ZNF407: variants seen among roughly 807,000 people sequenced by gnomAD.
ZNF407 encodes the protein zinc finger protein 407.
Under a neutral mutation model 131.2 loss-of-function variants are expected in ZNF407, and 17 were observed. The ratio of observed to expected loss-of-function variants is 0.13; its 90% CI spans 0.09 to 0.19. ZNF407 has a LOEUF of 0.19. Ranked by LOEUF, ZNF407 falls within the 10% of genes least tolerant of loss-of-function variation. The probability of loss-of-function intolerance (pLI) is 1.00; values close to 1 mark genes in which losing one functional copy is unlikely to be tolerated. For missense variants in ZNF407, 2,681 were observed against 2,830.6 expected (o/e 0.95, Z 1.20); for synonymous variants, 1,156 against 1,062.0 (o/e 1.09, Z -1.72).
intron 3 of ZNF407, among the ~76,000 whole-genome samples, chr18:74,761,190 A>G (rs1294374690): frequency 6.8e-6 from 1 of 146,958 alleles, no homozygotes; most frequent in African/African-American, 2.7e-5. Flanking sequence ...TGGATTTTTG[A>G]ATTTTGATAG....
At chr18:74,792,872 G>A (rs1197743121) in intron 4 of ZNF407, among the ~76,000 whole-genome samples, 1 of 152,178 alleles carries the variant, frequency 6.6e-6, no homozygotes, top group African/African-American at 2.4e-5. Flanking sequence ...ACAAAGACAC[G>A]TCAATTGTGG....
rs1973666310 is a variant in ZNF407 at position 75,063,522 on chromosome 18, T to G, written c.5801T>G (p.Leu1934Arg). 2 of 1,580,064 alleles carry G rather than the reference T, an allele frequency of 1.3e-6. No individual in the cohort carries two copies. Among genetic ancestry groups the G allele is most frequent in the Non-Finnish European group, 8.6e-7 (1 of 1,164,542 alleles). The stretch of plus-strand genomic sequence containing the variant: ...CCCGGACCCATCCTCCCCGAGCAGC[T>G]GGCTGATGGAGCCACCCAGGTGGTC... The part of the protein sequence containing the change: ...VVPGPILPEQ[L>R]ADGATQVVVV... Residue 1934 changes from leucine to arginine, a missense_variant, in exon 9 of 9, where the codon CTG becomes CGG. Around this residue, in one of 6 missense-constraint regions of ZNF407, gnomAD observed 620 missense variants for 583.1 expected, o/e 1.06. Coordinates refer to ENST00000299687, the MANE Select transcript of ZNF407 (RefSeq NM_017757.3). This position sits in a 1 kb window ranked among gnomAD's most constrained non-coding sequence, Gnocchi z 6.6.
At chr18:74,662,530 C>G (rs1301667868) in intron 3 of ZNF407, among the ~76,000 whole-genome samples, 1 of 152,046 alleles carries the variant, frequency 6.6e-6, no homozygotes, top group Admixed American at 6.5e-5. Flanking sequence ...GTATATTTAC[C>G]CATGTTTTAA....
intron 3 of ZNF407, among the ~76,000 whole-genome samples, chr18:74,723,155 C>G (rs748577617): frequency 2.0e-5 from 3 of 152,078 alleles, no homozygotes; most frequent in Non-Finnish European, 4.4e-5. Context: ...TCTCATTGGA[C>G]TTTTACAAAT....
chr18:74,653,897 ATCATGAAC>A (rs1333652618), intron 3 of ZNF407, among the ~76,000 whole-genome samples: 2 of 151,880 alleles, frequency 1.3e-5, no homozygotes, highest in African/African-American at 4.8e-5. Context: ...CTTATGTGTT[ATCATGAAC>A]ATGCTAATAT....
chr18:74,811,422 G>A (rs1240285159), intron 4 of ZNF407, among the ~76,000 whole-genome samples: 3 of 152,060 alleles, frequency 2.0e-5, no homozygotes, highest in African/African-American at 7.3e-5. Flanking sequence ...TTACACTGTT[G>A]ATGGGACTGT....
chr18:74,734,483 A>G (rs1968364941), intron 3 of ZNF407, among the ~76,000 whole-genome samples: 2 of 152,226 alleles, frequency 1.3e-5, no homozygotes, highest in South Asian at 2.1e-4. Context: ...GAATATCTGT[A>G]GTATGATAGT....
intron 3 of ZNF407, among the ~76,000 whole-genome samples, chr18:74,736,236 A>T (rs552911178): frequency 6.6e-5 from 10 of 152,120 alleles, no homozygotes; most frequent in Non-Finnish European, 1.5e-4. Context: ...TTTGCACTCA[A>T]TTATATTGTG....
chr18:74,975,557 C>A (rs1267904537), intron 8 of ZNF407, among the ~76,000 whole-genome samples: 1 of 152,122 alleles, frequency 6.6e-6, no homozygotes, highest in Non-Finnish European at 1.5e-5. Context: ...TTGAAAGTAT[C>A]TTTTGTTTAT....
At chr18:74,602,787 T>C (rs751203887) in intron 1 of ZNF407, among the ~76,000 whole-genome samples, 2 of 151,336 alleles carry the variant, frequency 1.3e-5, no homozygotes, top group Non-Finnish European at 2.9e-5. Context: ...TCATTCAACA[T>C]TTTTTTTAGC....
chr18:75,063,719 G>A lies in ZNF407; in HGVS notation c.5998G>A (p.Gly2000Arg). The stretch of plus-strand genomic sequence containing the variant: ...ATTGCTCTGTGCGGTCACTGAATTA[G>A]GGGAGGTGGAGGGCAGGGCTGGGCT... ...DALLCAVTEL[G>R]EVEGRAGLEE... Residue 2000 changes from glycine to arginine, a missense_variant, in exon 9 of 9, where the codon GGG becomes AGG. Gly to Arg is a moderately radical substitution (Grantham distance 125). Around this residue, in one of 6 missense-constraint regions of ZNF407, gnomAD observed 620 missense variants for 583.1 expected, o/e 1.06. Coordinates refer to ENST00000299687, the MANE Select transcript of ZNF407 (RefSeq NM_017757.3). The surrounding 1 kb of genome is among the most constrained non-coding windows in gnomAD (Gnocchi z 6.6). The A allele has an allele frequency of 6.2e-7, 1 of 1,612,440 alleles. No individual in the cohort carries two copies. Among genetic ancestry groups the A allele is most frequent in the East Asian group, 2.2e-5 (1 of 44,842 alleles).
chr18:74,725,487 T>C (rs1341250970), intron 3 of ZNF407, among the ~76,000 whole-genome samples: 1 of 152,202 alleles, frequency 6.6e-6, no homozygotes, highest in Non-Finnish European at 1.5e-5. Context: ...AGTAGTTTCT[T>C]TAGTATATCA....
At chr18:74,900,712 A>C (rs1971512942) in intron 7 of ZNF407, among the ~76,000 whole-genome samples, 1 of 152,196 alleles carries the variant, frequency 6.6e-6, no homozygotes. Flanking sequence ...AAGAGCACCC[A>C]GTCATTTCTC....
At chr18:74,782,779 C>T (rs1341574411) in intron 4 of ZNF407, among the ~76,000 whole-genome samples, 6 of 152,074 alleles carry the variant, frequency 3.9e-5, no homozygotes, top group East Asian at 1.9e-4. Flanking sequence ...CCACCACCTC[C>T]GGCTAATTTT....
chr18:74,831,564 G>A (rs1400952056), intron 4 of ZNF407, among the ~76,000 whole-genome samples: 1 of 152,164 alleles, frequency 6.6e-6, no homozygotes, highest in Non-Finnish European at 1.5e-5. Context: ...TATCCTCAAG[G>A]TTAAGCTTTG....
At chr18:74,750,663 C>T (rs183386040) in intron 3 of ZNF407, among the ~76,000 whole-genome samples, 15 of 152,242 alleles carry the variant, frequency 9.9e-5, no homozygotes, top group Admixed American at 7.9e-4. Context: ...TTATGACTAA[C>T]GGTGCTGTGA....
intron 3 of ZNF407, among the ~76,000 whole-genome samples, chr18:74,693,434 A>G (rs551505092): frequency 6.6e-6 from 1 of 152,186 alleles, no homozygotes; most frequent in African/African-American, 2.4e-5. Flanking sequence ...AACTGTTTTT[A>G]TAGTGGGTGT....
intron 4 of ZNF407, among the ~76,000 whole-genome samples, chr18:74,786,807 T>G (rs1281291342): frequency 2.2e-5 from 3 of 135,812 alleles, no homozygotes; most frequent in Admixed American, 7.5e-5. Flanking sequence ...TTTTTTTTTT[T>G]TTTTTTTTTT....
chr18:74,614,805 A>G (rs1200485465), intron 1 of ZNF407, among the ~76,000 whole-genome samples: 1 of 152,192 alleles, frequency 6.6e-6, no homozygotes, highest in African/African-American at 2.4e-5. Context: ...TTCCAGTTGC[A>G]TTTCTGAGAA....
Sources: gnomAD v4.1 joint callset for allele counts (sites outside exome capture counted in the v4.1 genomes callset) on GRCh38, gnomAD v4.1.1 for gene constraint, gnomAD v4.1.1 regional missense constraint, Gnocchi (gnomAD v3.1) non-coding constraint, MANE v1.5 for transcripts, NCBI Gene and HGNC (gene_info 2026-07-23, HGNC 2026-07-21) for gene names.